The following SYNE1 variants were observed in gnomAD, a reference collection of about 807,000 sequenced individuals.
The protein encoded by SYNE1 is nesprin-1.
A neutral mutation model predicts 1,111.0 loss-of-function variants in SYNE1; 616 were observed. That is an observed-to-expected ratio of 0.55 (90% CI 0.52 to 0.59). The LOEUF is 0.59. Among genes scored for constraint, SYNE1 ranks in the 20% least tolerant of loss-of-function variants. The probability of loss-of-function intolerance (pLI) is 0.00; values close to 1 mark genes in which losing one functional copy is unlikely to be tolerated. For missense variants in SYNE1, 10,006 were observed against 10,417.0 expected, an observed-to-expected ratio of 0.96 and a Z score of 1.72; for synonymous variants, 3,855 against 3,825.8, an observed-to-expected ratio of 1.01 and a Z score of -0.28.
At position 152,455,988 on chromosome 6, in the gene SYNE1, G is replaced by A. The variant is rs1301009869; in HGVS notation, c.2625C>T (p.Gly875=). Reference sequence around the variant, plus strand: ...TCACAAACTTTTGAACACTTTGACTGCCTTTCTCAATAAGTGTCAAGGTTT... The same window carrying A: ...TCACAAACTTTTGAACACTTTGACTACCTTTCTCAATAAGTGTCAAGGTTT... ...CKKTLTLIEK[G]SQSVQKFVTL... The change falls in exon 23 of 146, where the codon GGC becomes GGT. Residue 875 remains glycine, a synonymous_variant. Transcript: ENST00000367255. The A allele has an allele frequency of 9.9e-6, 16 of 1,614,064 alleles. No individual in the cohort carries two copies. The highest frequency in any genetic ancestry group is 1.4e-5 in the Non-Finnish European group (16 of 1,179,984).
chr6:152,220,815 G>T, intron 119 of SYNE1, 27 bp downstream of exon 119: 1 of 1,606,724 alleles, frequency 6.2e-7, no homozygotes, highest in Non-Finnish European at 8.5e-7. Context: ...GGGCATGTGG[G>T]GAAAACAAGG....
chr6:152,165,827 GAC>G (rs796818415), intron 130 of SYNE1, among the ~76,000 whole-genome samples: 7 of 152,344 alleles, frequency 4.6e-5, no homozygotes, highest in African/African-American at 1.7e-4. Flanking sequence ...GTCAGTGAAT[GAC>G]AGTTTTATTA....
intron 39 of SYNE1, among the ~76,000 whole-genome samples, 192 bp downstream of exon 39, chr6:152,425,189 G>A (rs1371613247): frequency 2.0e-5 from 3 of 152,208 alleles, no homozygotes; most frequent in South Asian, 4.1e-4. Flanking sequence ...ACTAAATTTT[G>A]TATTGGGATT....
rs761395846 is a variant in SYNE1, at chr6:152,526,125, A to T, written c.180T>A (p.Gly60=). 3 of 1,614,114 alleles carry T rather than the reference A, an allele frequency of 1.9e-6. No homozygotes were observed. Among genetic ancestry groups the T allele is most frequent in the Non-Finnish European group, 1.7e-6 (2 of 1,179,990 alleles). The change falls in exon 5 of 146, where the codon GGT becomes GGA. Residue 60 remains glycine (G), a synonymous_variant. Transcript: ENST00000367255. ...CCTCCAGAAGGGCAAGCAGTTTAAC[A>T]CCATCTTTCATGTCTTCAAAAAGAT... ...VDDLFEDMKD[G]VKLLALLEVL...
intron 61 of SYNE1, 189 bp downstream of exon 61, chr6:152,368,783 A>C (rs2097128240): frequency 2.8e-6 from 2 of 711,594 alleles, no homozygotes; most frequent in African/African-American, 1.7e-5. Context: ...AGCCACATCA[A>C]GCTTATGCAA....
intron 55 of SYNE1, among the ~76,000 whole-genome samples, chr6:152,383,453 T>C (rs1016331233): frequency 1.3e-5 from 2 of 152,172 alleles, no homozygotes; most frequent in Admixed American, 6.5e-5. Context: ...ACAGCCTCAT[T>C]GTCAAACCTA....
At chr6:152,361,302 C>T (rs138799739) in intron 64 of SYNE1, among the ~76,000 whole-genome samples, 43 of 152,202 alleles carry the variant, frequency 2.8e-4, no homozygotes, top group African/African-American at 7.7e-4. Context: ...AACCAGGTGA[C>T]GGAGATTGAG....
At position 152,455,659 on chromosome 6, in the gene SYNE1, G is replaced by T. The variant is rs756557740; in HGVS notation, c.2728-69C>A. ...ACTGAAAGGATCATTTTGTTAGAGGGTATTATTCATTTAAAAAGCACTTGG... is the reference window on the plus strand; with the variant it reads ...ACTGAAAGGATCATTTTGTTAGAGGTTATTATTCATTTAAAAAGCACTTGG... On this transcript the variant is annotated intron_variant, in intron 23 of 145. Coordinates refer to ENST00000367255, the MANE Select transcript of SYNE1 (RefSeq NM_182961.4). The T allele has an allele frequency of 4.3e-5, 68 of 1,590,952 alleles. No homozygotes were observed. In the South Asian group the frequency reaches 6.7e-4, roughly 16 times the overall value.
intron 97 of SYNE1, 109 bp from the exon 98 acceptor site, chr6:152,278,389 C>A (rs926364895): frequency 7.6e-7 from 1 of 1,315,404 alleles, no homozygotes. Context: ...AACGGACAGG[C>A]TTTCATGATT....
chr6:152,413,098 G>C (rs2098093356), intron 42 of SYNE1, among the ~76,000 whole-genome samples: 1 of 152,130 alleles, frequency 6.6e-6, no homozygotes, highest in African/African-American at 2.4e-5. Context: ...TGATTCGCCT[G>C]CCTTGGCCTC....
chr6:152,224,669 T>G lies in SYNE1; in HGVS notation c.21352-5A>C. 6.2e-7 allele frequency: 1 copy of G among 1,613,432 alleles called. No individual in the cohort carries two copies. Among genetic ancestry groups the G allele is most frequent in the Non-Finnish European group, 8.5e-7 (1 of 1,179,612 alleles). On this transcript the variant is annotated splice_polypyrimidine_tract_variant and splice_region_variant and intron_variant, in intron 116 of 145. Coordinates refer to ENST00000367255, the MANE Select transcript of SYNE1 (RefSeq NM_182961.4). Reference sequence around the variant, plus strand: ...CAGTATCTTTAATTGTCCAACCTTTTGAAAAAGACAAATATGGCTTATAAT... The same window carrying G: ...CAGTATCTTTAATTGTCCAACCTTTGGAAAAAGACAAATATGGCTTATAAT...
Position 152,256,676 on chromosome 6 carries a change from C to A in SYNE1, c.19062G>T (p.Leu6354Phe). The change falls in exon 102 of 146, where the codon TTG (leucine) becomes TTT (phenylalanine). Residue 6354 changes from leucine to phenylalanine, a missense_variant. Coordinates refer to ENST00000367255, the MANE Select transcript of SYNE1 (RefSeq NM_182961.4). ...CGAAGGCTTGGTTCAGTCCATCCAG[C>A]AAAGATGTAACTGCAGATTTATCTT... is the stretch of plus-strand genomic sequence containing the variant. ...PTQDKSAVTS[L>F]LDGLNQAFEE... 6.2e-7 allele frequency: 1 copy of A among 1,613,970 alleles called. No homozygotes were observed.
chr6:152,305,625 A>G (rs181019820), intron 91 of SYNE1, among the ~76,000 whole-genome samples: 7 of 152,318 alleles, frequency 4.6e-5, no homozygotes, highest in Admixed American at 3.3e-4. Flanking sequence ...TTATTTTTAA[A>G]GTTATTTGTA....
chr6:152,472,156 A>G (rs2098809506), intron 15 of SYNE1, 145 bp downstream of exon 15: 1 of 681,396 alleles, frequency 1.5e-6, no homozygotes, highest in Non-Finnish European at 2.5e-6. Flanking sequence ...TGGCATTCTT[A>G]GCATGTCTTA....
chr6:152,519,827 G>C (rs2099130154), intron 6 of SYNE1, among the ~76,000 whole-genome samples: 1 of 152,102 alleles, frequency 6.6e-6, no homozygotes, highest in African/African-American at 2.4e-5. Context: ...ACATTACCAA[G>C]TATTCAAAGT....
At position 152,526,138 on chromosome 6, in the gene SYNE1, T is replaced by C. The variant is rs374929339; in HGVS notation, c.167A>G (p.Asp56Gly). The C allele has an allele frequency of 1.2e-6, 2 of 1,614,126 alleles. No individual in the cohort carries two copies. The highest frequency in any genetic ancestry group is 3.3e-5 in the Admixed American group (2 of 60,024). Residue 56 changes from aspartate to glycine, a missense_variant, in exon 5 of 146, where the codon GAC becomes GGC. This residue lies in a region of SYNE1 where 1,971 missense variants were observed against 2,084.1 expected (regional missense o/e 0.95). Transcript: ENST00000367255. Reference protein sequence around the residue: ...PPMVVDDLFEDMKDGVKLLAL... With the variant: ...PPMVVDDLFEGMKDGVKLLAL... ...AAGCAGTTTAACACCATCTTTCATG[T>C]CTTCAAAAAGATCGTCCACCACCAT...
chr6:152,595,051 T>G (rs1465671010), intron 3 of SYNE1, among the ~76,000 whole-genome samples: 1 of 152,206 alleles, frequency 6.6e-6, no homozygotes, highest in African/African-American at 2.4e-5. Flanking sequence ...CCTCTTCTCC[T>G]GTTTTTGGCT....
At chr6:152,452,512 A>G (rs2098659634) in intron 25 of SYNE1, among the ~76,000 whole-genome samples, 1 of 152,200 alleles carries the variant, frequency 6.6e-6, no homozygotes. Flanking sequence ...GTGCACAGGG[A>G]TAATTATTTA....
intron 95 of SYNE1, 116 bp downstream of exon 95, chr6:152,293,472 G>T (rs1242364270): frequency 2.0e-5 from 22 of 1,112,704 alleles, no homozygotes; most frequent in Non-Finnish European, 2.9e-5. Context: ...AACTGATAAG[G>T]TTAAAAAATT....
Sources: allele counts gnomAD v4.1 joint callset (sites outside exome capture counted in the v4.1 genomes callset), GRCh38; gene constraint gnomAD v4.1.1; regional missense constraint gnomAD v4.1.1; transcripts MANE v1.5; gene names NCBI Gene and HGNC (gene_info 2026-07-23, HGNC 2026-07-21).